The following RBFOX1 variants were observed in gnomAD, a reference collection of about 807,000 sequenced individuals.
RBFOX1 encodes RNA binding fox-1 homolog 1.
In RBFOX1, 8 loss-of-function variants were observed where a neutral mutation model predicts 57.7. The observed-to-expected ratio is 0.14, with a 90% CI of 0.08 to 0.25. The LOEUF is 0.25. Ranked by LOEUF, RBFOX1 falls within the 10% of genes least tolerant of loss-of-function variation. RBFOX1 has a pLI of 1.00. For missense variants in RBFOX1, 611 were observed against 548.5 expected (o/e 1.11, Z -1.14); for synonymous variants, 326 against 222.4 (o/e 1.47, Z -4.15).
intron 4 of RBFOX1, among the ~76,000 whole-genome samples, chr16:5,991,674 T>C (rs2152319898): frequency 6.6e-6 from 1 of 150,796 alleles, no homozygotes; most frequent in Admixed American, 6.6e-5. Flanking sequence ...TTTCTTTTTT[T>C]GGAAGTTCTA....
chr16:7,072,155 C>G (rs758574950), intron 4 of RBFOX1, among the ~76,000 whole-genome samples: 2 of 152,114 alleles, frequency 1.3e-5, no homozygotes, highest in Non-Finnish European at 2.9e-5. Context: ...AACTGTTGTC[C>G]TGGTATAATT....
intron 1 of RBFOX1, among the ~76,000 whole-genome samples, chr16:6,260,596 G>A (rs985411565): frequency 2.1e-4 from 32 of 152,280 alleles, no homozygotes; most frequent in African/African-American, 7.7e-4. Flanking sequence ...CATGCATCCA[G>A]GCCAGGCATG....
chr16:5,416,628 G>C (rs189079132), intron 1 of RBFOX1, among the ~76,000 whole-genome samples: 1 of 151,456 alleles, frequency 6.6e-6, no homozygotes, highest in East Asian at 1.9e-4. Flanking sequence ...TCTGAACTGC[G>C]TGATTTGAAG....
At chr16:7,617,801 G>C (rs1281166930) in intron 10 of RBFOX1, among the ~76,000 whole-genome samples, 1 of 152,168 alleles carries the variant, frequency 6.6e-6, no homozygotes, top group Non-Finnish European at 1.5e-5. Context: ...TGCGGGTATA[G>C]TACACAGTGA....
At chr16:6,927,684 G>C (rs965918879) in intron 3 of RBFOX1, among the ~76,000 whole-genome samples, 1 of 151,564 alleles carries the variant, frequency 6.6e-6, no homozygotes, top group East Asian at 1.9e-4. Flanking sequence ...GCTGCCCTTT[G>C]GGGGAGCAGA....
At chr16:5,276,281 C>T (rs1226294471) in intron 1 of RBFOX1, among the ~76,000 whole-genome samples, 1 of 152,104 alleles carries the variant, frequency 6.6e-6, no homozygotes, top group African/African-American at 2.4e-5. Context: ...TCACAAACTG[C>T]ATCTGACAAA....
At chr16:6,024,057 C>G (rs2095137681) in intron 1 of RBFOX1, among the ~76,000 whole-genome samples, 1 of 152,098 alleles carries the variant, frequency 6.6e-6, no homozygotes, top group Admixed American at 6.5e-5. Flanking sequence ...GGCAACTGTC[C>G]TCATTTTTTG....
chr16:6,342,191 G>A (rs1034155560), intron 2 of RBFOX1, among the ~76,000 whole-genome samples: 14 of 152,152 alleles, frequency 9.2e-5, no homozygotes, highest in Admixed American at 9.2e-4. Context: ...CTGCAATGTG[G>A]GAATGGAGGC....
At chr16:5,612,300 C>G (rs537634102) in intron 3 of RBFOX1, among the ~76,000 whole-genome samples, 1 of 151,912 alleles carries the variant, frequency 6.6e-6, no homozygotes, top group Non-Finnish European at 1.5e-5. Flanking sequence ...CACCCACCCA[C>G]CCACTTTCCC....
At chr16:5,449,179 C>A (rs185509267) in intron 1 of RBFOX1, among the ~76,000 whole-genome samples, 2 of 152,128 alleles carry the variant, frequency 1.3e-5, no homozygotes, top group Non-Finnish European at 2.9e-5. Flanking sequence ...CCCAAAGCCC[C>A]ACTCCCGACA....
At chr16:6,836,446 G>A (rs561268623) in intron 3 of RBFOX1, among the ~76,000 whole-genome samples, 13 of 152,210 alleles carry the variant, frequency 8.5e-5, no homozygotes, top group African/African-American at 1.9e-4. Flanking sequence ...ATTTGTTTGG[G>A]GATTCTGCTT....
At chr16:6,777,122 G>T (rs1223102515) in intron 3 of RBFOX1, among the ~76,000 whole-genome samples, 2 of 152,154 alleles carry the variant, frequency 1.3e-5, no homozygotes, top group Non-Finnish European at 2.9e-5. Context: ...CTTGGGATTA[G>T]TGGTCTTGTA....
intron 2 of RBFOX1, among the ~76,000 whole-genome samples, chr16:6,537,895 T>C (rs369705832): frequency 1.4e-4 from 21 of 152,052 alleles, no homozygotes; most frequent in East Asian, 9.7e-4. Context: ...GTAGTAATTA[T>C]AGCTGAATGG....
intron 3 of RBFOX1, among the ~76,000 whole-genome samples, chr16:5,659,988 A>G (rs530489931): frequency 6.6e-6 from 1 of 152,328 alleles, no homozygotes; most frequent in South Asian, 2.1e-4. Context: ...TATTATCGAT[A>G]TATTTTATAG....
chr16:6,958,140 G>A (rs1331176837), intron 3 of RBFOX1, among the ~76,000 whole-genome samples: 1 of 152,122 alleles, frequency 6.6e-6, no homozygotes, highest in East Asian at 1.9e-4. Context: ...CGTTTTTTGA[G>A]AAGCAAGGGG....
At chr16:5,755,452 C>T (rs1331328285) in intron 3 of RBFOX1, among the ~76,000 whole-genome samples, 1 of 152,172 alleles carries the variant, frequency 6.6e-6, no homozygotes, top group African/African-American at 2.4e-5. Flanking sequence ...CTTCCTGAAT[C>T]AATTGATGGC....
At chr16:6,390,946 A>G (rs768673751) in intron 2 of RBFOX1, among the ~76,000 whole-genome samples, 2 of 152,176 alleles carry the variant, frequency 1.3e-5, no homozygotes, top group Admixed American at 6.5e-5. Flanking sequence ...CACTACTGAC[A>G]TTCGAAGCTG....
At chr16:5,853,021 C>T (rs891880517) in intron 3 of RBFOX1, among the ~76,000 whole-genome samples, 13 of 152,054 alleles carry the variant, frequency 8.5e-5, no homozygotes, top group South Asian at 2.1e-4. Flanking sequence ...TTGGTTACAA[C>T]GCTCATTATA....
At chr16:6,870,290 C>T (rs892736054) in intron 3 of RBFOX1, among the ~76,000 whole-genome samples, 2 of 152,008 alleles carry the variant, frequency 1.3e-5, no homozygotes, top group African/African-American at 4.8e-5. Flanking sequence ...AAAATCCGTG[C>T]CTTTTTGTTT....
Sources: allele counts gnomAD v4.1 joint callset (sites outside exome capture counted in the v4.1 genomes callset), GRCh38; gene constraint gnomAD v4.1.1; transcripts MANE v1.5; gene names NCBI Gene and HGNC (gene_info 2026-07-23, HGNC 2026-07-21).